The following BIRC6 variants were observed in gnomAD, a reference collection of about 807,000 sequenced individuals.
The protein encoded by BIRC6 is baculoviral IAP repeat containing 6, also known as dual E2 ubiquitin-conjugating enzyme/E3 ubiquitin-protein ligase BIRC6.
A neutral mutation model predicts 503.3 loss-of-function variants in BIRC6; 98 were observed. The ratio of observed to expected loss-of-function variants is 0.19; its 90% CI spans 0.17 to 0.23. BIRC6 has a LOEUF of 0.23. Among genes scored for constraint, BIRC6 ranks in the 10% least tolerant of loss-of-function variants. The pLI, the probability that BIRC6 is intolerant of heterozygous loss-of-function variation, is 1.00. For synonymous variants in BIRC6, 2,240 were observed against 2,078.7 expected, an observed-to-expected ratio of 1.08 and a Z score of -2.11; for missense variants, 5,360 against 5,806.0, an observed-to-expected ratio of 0.92 and a Z score of 2.50.
chr2:32,589,371 T>C (rs550020158), intron 66 of BIRC6, among the ~76,000 whole-genome samples: 4 of 152,290 alleles, frequency 2.6e-5, no homozygotes, highest in Middle Eastern at 3.4e-3. Flanking sequence ...CCCCACTTCC[T>C]TTTTATATAC....
chr2:32,463,300 C>G lies in BIRC6; in HGVS notation c.4860C>G (p.Leu1620=), dbSNP rs758640376. 1.9e-6 allele frequency: 3 copies of G among 1,613,914 alleles called. No homozygotes were observed. The highest frequency in any genetic ancestry group is 4.5e-5 in the East Asian group (2 of 44,870). Residue 1620 remains leucine, a synonymous_variant, in exon 24 of 74, where the codon CTC becomes CTG. Transcript: ENST00000421745. Reference sequence around the variant, plus strand: ...CAGCCCAGGTAGCTTTGCAGTCTCTCTCTCATGCAATGGCTTCAGCCGAGC... The same window carrying G: ...CAGCCCAGGTAGCTTTGCAGTCTCTGTCTCATGCAATGGCTTCAGCCGAGC... The part of the protein sequence containing the change: ...SSAAQVALQS[L]SHAMASAEQQ...
rs764008369 is a variant in BIRC6 at position 32,545,713 on chromosome 2, T to G, written c.12663T>G (p.Phe4221Leu). ...CTTTCCACGTCCTTCGTAGCTTGTT[T>G]AGCACTACACCTTTGACAACTGATG... ...TLPFHVLRSL[F>L]STTPLTTDDG... is the part of the protein sequence containing the mutation. The change falls in exon 63 of 74, where the codon TTT becomes TTG. Residue 4221 changes from phenylalanine (F) to leucine (L), a missense_variant. Physicochemically the swap from Phe to Leu is conservative, Grantham distance 22. Coordinates refer to ENST00000421745, the MANE Select transcript of BIRC6 (RefSeq NM_016252.4). 8.7e-6 allele frequency: 14 copies of G among 1,613,964 alleles called. No individual in the cohort carries two copies. Among genetic ancestry groups the G allele is most frequent in the South Asian group, 1.1e-5 (1 of 91,086 alleles).
intron 61 of BIRC6, among the ~76,000 whole-genome samples, chr2:32,533,357 A>G (rs2056934153): frequency 6.6e-6 from 1 of 152,228 alleles, no homozygotes; most frequent in Non-Finnish European, 1.5e-5. Context: ...TGAGATTTCC[A>G]CACAAAGTGG....
intron 54 of BIRC6, 62 bp downstream of exon 54, chr2:32,513,216 A>C: frequency 8.5e-7 from 1 of 1,178,568 alleles, no homozygotes. Flanking sequence ...TGTTCACTTG[A>C]TAAAACAAAA....
Position 32,530,656 on chromosome 2 carries a change from T to G in BIRC6, c.12095-699T>G, listed in dbSNP as rs114757572. Among the ~76,000 whole-genome samples, 1,216 of 152,338 alleles carry G rather than the reference T, an allele frequency of 8.0e-3. 26 individuals are homozygous for G. Among genetic ancestry groups the G allele is most frequent in the African/African-American group, 0.028 (1,169 of 41,572 alleles). ...TCCTATAAATGCTATATAAGTAGTTTTCATAGTGTGAGTATGATATGAACT... is the reference window on the plus strand; with the variant it reads ...TCCTATAAATGCTATATAAGTAGTTGTCATAGTGTGAGTATGATATGAACT... On this transcript the variant is annotated intron_variant, in intron 60 of 73. Coordinates refer to ENST00000421745, the MANE Select transcript of BIRC6 (RefSeq NM_016252.4).
intron 72 of BIRC6, 99 bp downstream of exon 72, chr2:32,607,742 TC>T (rs2062566391): frequency 3.0e-6 from 3 of 1,001,232 alleles, no homozygotes; most frequent in South Asian, 2.0e-5. Flanking sequence ...CTTTGGGAGG[TC>T]AAGGCAGGTG....
chr2:32,572,960 C>A lies in BIRC6; in HGVS notation c.13145-2196C>A, dbSNP rs187113874. ...TGCTAGGTGATGCCACATCCTGTTACAACTTAATCCCCATATAGCTCTGTG... is the reference window on the plus strand; with the variant it reads ...TGCTAGGTGATGCCACATCCTGTTAAAACTTAATCCCCATATAGCTCTGTG... On this transcript the variant is annotated intron_variant, in intron 65 of 73. Coordinates refer to ENST00000421745, the MANE Select transcript of BIRC6 (RefSeq NM_016252.4). Among the ~76,000 whole-genome samples, 254 of 152,310 alleles carry A rather than the reference C, an allele frequency of 1.7e-3. 1 individual carries two copies. Among genetic ancestry groups the A allele is most frequent in the African/African-American group, 5.7e-3 (236 of 41,582 alleles).
At chr2:32,383,521 A>T (rs1336640894) in intron 3 of BIRC6, among the ~76,000 whole-genome samples, 1 of 151,830 alleles carries the variant, frequency 6.6e-6, no homozygotes, top group East Asian at 1.9e-4. Flanking sequence ...CTGAATCCTC[A>T]CTGGTGCTGT....
At chr2:32,429,389 G>T (rs1318275174) in intron 11 of BIRC6, 94 bp downstream of exon 11, 21 of 976,094 alleles carry the variant, frequency 2.2e-5, no homozygotes, top group Middle Eastern at 6.6e-4. Flanking sequence ...ATTAAAGTAA[G>T]AAGTGATTCT....
chr2:32,606,028 TA>T (rs2062425296), intron 71 of BIRC6, among the ~76,000 whole-genome samples: 1 of 152,230 alleles, frequency 6.6e-6, no homozygotes, highest in African/African-American at 2.4e-5. Flanking sequence ...CTTTGACTTA[TA>T]AGATGCATAT....
chr2:32,496,617 G>A (rs2052506072), intron 45 of BIRC6, among the ~76,000 whole-genome samples: 1 of 152,018 alleles, frequency 6.6e-6, no homozygotes, highest in Admixed American at 6.5e-5. Context: ...AGTATTTTTT[G>A]AAATTTAGTA....
rs776988295 is a variant in BIRC6, at chr2:32,473,124, G to A, written c.6605G>A (p.Ser2202Asn). The change falls in exon 33 of 74, where the codon AGT becomes AAT. Residue 2202 changes from serine to asparagine, a missense_variant. This residue lies in a region of BIRC6 where 2,299 missense variants were observed against 2,267.2 expected (regional missense o/e 1.01). Transcript: ENST00000421745. ...AKKPLNGNQWSFINNNLHTQS... is the reference protein window; with the variant it reads ...AKKPLNGNQWNFINNNLHTQS... ...CCTTCGCCTGTAGGTAATCAGTGGAGTTTTATTAACAATAATCTACACACT... is the reference window on the plus strand; with the variant it reads ...CCTTCGCCTGTAGGTAATCAGTGGAATTTTATTAACAATAATCTACACACT... 5.1e-6 allele frequency: 8 copies of A among 1,577,042 alleles called. 1 individual carries two copies. The South Asian group carries it at 8.3e-5, about 16-fold the overall frequency.
At chr2:32,378,403 C>CT (rs945228003) in intron 2 of BIRC6, among the ~76,000 whole-genome samples, 3 of 151,422 alleles carry the variant, frequency 2.0e-5, no homozygotes, top group Non-Finnish European at 2.9e-5. Flanking sequence ...TTCTTTCTTT[C>CT]TTTTTTTTAA....
At chr2:32,532,753 TAGAC>T (rs1412762725) in intron 61 of BIRC6, among the ~76,000 whole-genome samples, 1 of 152,168 alleles carries the variant, frequency 6.6e-6, no homozygotes, top group Non-Finnish European at 1.5e-5. Flanking sequence ...ATTTTCTTAC[TAGAC>T]AATGACATAA....
chr2:32,470,123 C>A, intron 30 of BIRC6, 45 bp from the exon 31 acceptor site: 1 of 1,349,886 alleles, frequency 7.4e-7, no homozygotes, highest in Non-Finnish European at 9.7e-7. Flanking sequence ...ATTGAACAAT[C>A]GAATTGATTC....
intron 3 of BIRC6, among the ~76,000 whole-genome samples, chr2:32,386,510 TTTGGCTTACTGTAGCC>T (rs2038495927): frequency 6.6e-6 from 1 of 151,836 alleles, no homozygotes; most frequent in Non-Finnish European, 1.5e-5. Context: ...GTGGTGTGAT[TTTGGCTTACTGTAGCC>T]TTGCCGTCCT....
chr2:32,438,538 A>G (rs895322855), intron 15 of BIRC6, among the ~76,000 whole-genome samples: 1 of 151,364 alleles, frequency 6.6e-6, no homozygotes, highest in Non-Finnish European at 1.5e-5. Flanking sequence ...CATACTAGTG[A>G]TAATAATTAT....
intron 54 of BIRC6, among the ~76,000 whole-genome samples, chr2:32,514,025 C>A (rs2054739022): frequency 6.6e-6 from 1 of 152,148 alleles, no homozygotes; most frequent in South Asian, 2.1e-4. Flanking sequence ...CCTCACGCCA[C>A]TGTACCCCAG....
At chr2:32,610,228 A>C (rs1488188285) in intron 72 of BIRC6, among the ~76,000 whole-genome samples, 1 of 152,182 alleles carries the variant, frequency 6.6e-6, no homozygotes, top group Non-Finnish European at 1.5e-5. Context: ...TCTTTAGGGC[A>C]GACATGCTCC....
Sources: gnomAD v4.1 joint callset for allele counts (sites outside exome capture counted in the v4.1 genomes callset) on GRCh38, gnomAD v4.1.1 for gene constraint, gnomAD v4.1.1 regional missense constraint, MANE v1.5 for transcripts, NCBI Gene and HGNC (gene_info 2026-07-23, HGNC 2026-07-21) for gene names.